TET2: variants seen among roughly 807,000 people sequenced by gnomAD.
TET2 encodes the protein methylcytosine dioxygenase TET2.
A neutral mutation model predicts 142.9 loss-of-function variants in TET2; 299 were observed. The ratio of observed to expected loss-of-function variants is 2.09; its 90% confidence interval spans 1.90 to 2.30. The LOEUF is 2.30. Among genes scored for constraint, TET2 ranks in the 30% most tolerant of loss-of-function variants. TET2 has a pLI of 0.00. For missense variants in TET2, 2,418 were observed against 2,378.0 expected (o/e 1.02, Z -0.35); for synonymous variants, 819 against 849.0 (o/e 0.96, Z 0.61).
chr4:105,167,213 C>A (rs1197182123), intron 1 of TET2, among the ~76,000 whole-genome samples: 1 of 151,500 alleles, frequency 6.6e-6, no homozygotes, highest in African/African-American at 2.4e-5. Context: ...ATTTTCTATT[C>A]TCTGATTGAT....
rs189226131 is a variant in TET2, at chr4:105,264,865, G to T, written c.4044+3017G>T. 6.0e-4 allele frequency among the ~76,000 whole-genome samples: 91 copies of T among 152,164 alleles called. No individual in the cohort carries two copies. The South Asian group carries it at 6.2e-3, about 10-fold the overall frequency. On this transcript the variant is annotated intron_variant, in intron 8 of 10. Coordinates refer to ENST00000380013, the MANE Select transcript of TET2 (RefSeq NM_001127208.3). ...TACCTCCTTTCCCCAACTGAGTGTC[G>T]TATCTCTATTTCTCACATCTGAATA...
Position 105,241,430 on chromosome 4 carries a change from G to T in TET2, c.3500+1G>T. On this transcript the variant is annotated splice_donor_variant, in intron 4 of 10. Transcript: ENST00000380013. LOFTEE classifies it high-confidence loss of function. ...CTATTAGAGAAATCATGGAAGAAAG[G>T]TAATTAACGCAAAGGCACAGGGCAG... 1 of 1,549,390 alleles carries T rather than the reference G, an allele frequency of 6.5e-7. No individual in the cohort carries two copies. The highest frequency in any genetic ancestry group is 8.7e-7 in the Non-Finnish European group (1 of 1,146,384).
chr4:105,218,904 T>C (rs1727649915), intron 2 of TET2, among the ~76,000 whole-genome samples: 1 of 151,952 alleles, frequency 6.6e-6, no homozygotes, highest in South Asian at 2.1e-4. Flanking sequence ...ATCTAAAACA[T>C]GCTATATAAT....
chr4:105,186,101 A>C (rs1025350127), intron 1 of TET2, among the ~76,000 whole-genome samples: 1 of 152,030 alleles, frequency 6.6e-6, no homozygotes, highest in Non-Finnish European at 1.5e-5. Context: ...GTGGTGGTAC[A>C]TGCCTGTAGT....
At position 105,275,453 on chromosome 4, in the gene TET2, C is replaced by T. The variant is rs1731164021; in HGVS notation, c.4943C>T (p.Ser1648Phe). Residue 1648 changes from serine to phenylalanine, a missense_variant, in exon 11 of 11, where the codon TCC (serine) becomes TTC (phenylalanine). Coordinates refer to ENST00000380013, the MANE Select transcript of TET2 (RefSeq NM_001127208.3). ...SVDNCSPYLG[S>F]YSPQSQPMDL... ...GACAACTGCTCCCCATATCTGGGTT[C>T]CTATTCTCCCCAGTCTCAGCCGATG... is the stretch of plus-strand genomic sequence containing the variant. 2 of 1,551,682 alleles carry T rather than the reference C, an allele frequency of 1.3e-6. No homozygotes were observed. The highest frequency in any genetic ancestry group is 2.0e-5 in the Admixed American group (1 of 51,004).
At chr4:105,195,728 A>G (rs771240988) in intron 2 of TET2, among the ~76,000 whole-genome samples, 4 of 152,098 alleles carry the variant, frequency 2.6e-5, no homozygotes, top group Non-Finnish European at 5.9e-5. Context: ...TTTTCTGAGT[A>G]TTTTGATCTG....
At chr4:105,202,107 A>G (rs1009001980) in intron 2 of TET2, among the ~76,000 whole-genome samples, 1 of 152,072 alleles carries the variant, frequency 6.6e-6, no homozygotes, top group African/African-American at 2.4e-5. Flanking sequence ...AAATTTATGC[A>G]TATTTTTAGA....
chr4:105,159,581 C>G (rs1560713621), intron 1 of TET2, among the ~76,000 whole-genome samples: 1 of 152,134 alleles, frequency 6.6e-6, no homozygotes, highest in Non-Finnish European at 1.5e-5. Flanking sequence ...TGCCCTGCAG[C>G]AAACAACTAG....
At chr4:105,190,696 C>G in intron 2 of TET2, 191 bp downstream of exon 2, 1 of 516,002 alleles carries the variant, frequency 1.9e-6, no homozygotes, top group Non-Finnish European at 3.4e-6. Flanking sequence ...TGTGTACTGA[C>G]TTATGTATAG....
At chr4:105,184,381 T>G (rs539428997) in intron 1 of TET2, among the ~76,000 whole-genome samples, 1 of 152,318 alleles carries the variant, frequency 6.6e-6, no homozygotes, top group African/African-American at 2.4e-5. Context: ...GTTAAATTGT[T>G]TATAACTGGT....
intron 1 of TET2, among the ~76,000 whole-genome samples, chr4:105,189,499 T>C (rs1277036033): frequency 1.3e-5 from 2 of 151,156 alleles, no homozygotes; most frequent in Non-Finnish European, 3.0e-5. Flanking sequence ...GAGAGCTTTT[T>C]AATCTCCTCC....
chr4:105,240,700 A>G (rs146800482), intron 3 of TET2: 21 of 1,080,058 alleles, frequency 1.9e-5, no homozygotes, highest in East Asian at 5.0e-5. Flanking sequence ...ACCCACCCCT[A>G]TCTTCCCACT....
chr4:105,234,058 C>CAA lies in TET2; in HGVS notation c.117_118insAA (p.Leu40AsnfsTer10), dbSNP rs1560540209. On this transcript the variant is annotated frameshift_variant, in exon 3 of 11. Transcript: ENST00000380013. LOFTEE classifies it high-confidence loss of function. ...GCTACAAAGCTCCAGAATGGAAGCC[C>CAA]ACTGCCTGAGAGAGCTCATCCAGAA... is the stretch of plus-strand genomic sequence containing the variant. The CAA allele has an allele frequency of 6.2e-7, 1 of 1,614,048 alleles. No individual in the cohort carries two copies. The highest frequency in any genetic ancestry group is 8.5e-7 in the Non-Finnish European group (1 of 1,179,978).
At chr4:105,166,730 A>G (rs1348322232) in intron 1 of TET2, among the ~76,000 whole-genome samples, 1 of 152,114 alleles carries the variant, frequency 6.6e-6, no homozygotes, top group East Asian at 1.9e-4. Context: ...AGAACCATAA[A>G]TTCAAAGTAA....
At chr4:105,243,039 A>G in intron 5 of TET2, 112 bp downstream of exon 5, 1 of 816,986 alleles carries the variant, frequency 1.2e-6, no homozygotes, top group East Asian at 2.7e-5. Flanking sequence ...GTTAAAAAGA[A>G]CATTACCTGT....
At chr4:105,157,517 A>G (rs140104751) in intron 1 of TET2, among the ~76,000 whole-genome samples, 213 of 152,292 alleles carry the variant, frequency 1.4e-3, no homozygotes, top group Non-Finnish European at 2.7e-3. Context: ...TGTCTGCCAC[A>G]TTACGCTTGT....
chr4:105,204,123 C>T (rs188467480), intron 2 of TET2, among the ~76,000 whole-genome samples: 9 of 151,670 alleles, frequency 5.9e-5, no homozygotes, highest in Non-Finnish European at 1.0e-4. Flanking sequence ...CTCTTGAACC[C>T]GGGAGGCGAG....
Position 105,233,383 on chromosome 4 carries a change from C to CAAAAAAAAAAAAAAAAA in TET2, c.-46-512_-46-496dup, listed in dbSNP as rs34890297. The stretch of plus-strand genomic sequence containing the variant: ...TGGGCAAGAGAGTGAGACTCCATCT[C>CAAAAAAAAAAAAAAAAA]AAAAAAAAAAAAAAAAAAGCTACTG... On this transcript the variant is annotated intron_variant, in intron 2 of 10. Transcript: ENST00000380013. Among the ~76,000 whole-genome samples the CAAAAAAAAAAAAAAAAA allele has an allele frequency of 5.4e-4, 41 of 76,134 alleles. 6 individuals carry two copies. Among genetic ancestry groups the CAAAAAAAAAAAAAAAAA allele is most frequent in the African/African-American group, 1.4e-3 (23 of 16,276 alleles). The allele number at this position is 76,134 out of a possible 152,430, so 49.9% of individuals were successfully genotyped here.
chr4:105,170,056 TG>T, intron 1 of TET2, among the ~76,000 whole-genome samples: 1 of 152,164 alleles, frequency 6.6e-6, no homozygotes, highest in Non-Finnish European at 1.5e-5. Context: ...TTTGGCTCTG[TG>T]GGTTCTTTTT....
Sources: gnomAD v4.1 joint callset for allele counts (sites outside exome capture counted in the v4.1 genomes callset) on GRCh38, gnomAD v4.1.1 for gene constraint, MANE v1.5 for transcripts, NCBI Gene and HGNC (gene_info 2026-07-23, HGNC 2026-07-21) for gene names.